LRRC4C: variants seen among roughly 807,000 people sequenced by gnomAD.
LRRC4C encodes leucine-rich repeat-containing protein 4C.
A neutral mutation model predicts 33.6 loss-of-function variants in LRRC4C; 5 were observed. That is an observed-to-expected ratio of 0.15 (90% CI 0.08 to 0.31). LRRC4C has a LOEUF of 0.31. LRRC4C is among the 10% of genes least tolerant of loss of function. LRRC4C has a pLI of 1.00. For missense variants in LRRC4C, 560 were observed against 796.7 expected, an observed-to-expected ratio of 0.70 and a Z score of 3.58; for synonymous variants, 329 against 302.0, an observed-to-expected ratio of 1.09 and a Z score of -0.93.
At chr11:40,929,551 A>G (rs1267201698) in intron 2 of LRRC4C, among the ~76,000 whole-genome samples, 1 of 152,190 alleles carries the variant, frequency 6.6e-6, no homozygotes, top group African/African-American at 2.4e-5. Context: ...CGTCCATAGT[A>G]AAAAGGGAGG....
At chr11:41,096,004 T>C (rs1940785561) in intron 1 of LRRC4C, among the ~76,000 whole-genome samples, 1 of 152,124 alleles carries the variant, frequency 6.6e-6, no homozygotes, top group Admixed American at 6.6e-5. Context: ...CTAAGTTTAG[T>C]AGTATTAAGT....
rs186137738 is a variant in LRRC4C at position 41,434,718 on chromosome 11, C to G, written c.-496+24713G>C. Among the ~76,000 whole-genome samples, 5 of 152,244 alleles carry G rather than the reference C, an allele frequency of 3.3e-5. No homozygotes were observed. The East Asian group carries it at 9.7e-4, about 29-fold the overall frequency. ...CTCTTAGAGTGTCAGTTTCGGTAAG[C>G]AAGACTTCCTGCTTGGGAAGTCCAC... On this transcript the variant is annotated intron_variant, in intron 1 of 6. Transcript: ENST00000528697.
chr11:40,456,037 T>C (rs1205395565), intron 3 of LRRC4C, among the ~76,000 whole-genome samples: 1 of 152,154 alleles, frequency 6.6e-6, no homozygotes, highest in Non-Finnish European at 1.5e-5. Context: ...CTACATCTTT[T>C]GCCTTTATTC....
intron 3 of LRRC4C, among the ~76,000 whole-genome samples, chr11:40,322,782 T>C (rs1266347139): frequency 1.3e-5 from 2 of 152,122 alleles, no homozygotes; most frequent in Non-Finnish European, 2.9e-5. Context: ...AATGAGGAAA[T>C]TTCTATAGGG....
chr11:41,405,961 T>A (rs1282531148), intron 1 of LRRC4C, among the ~76,000 whole-genome samples: 1 of 152,094 alleles, frequency 6.6e-6, no homozygotes, highest in Non-Finnish European at 1.5e-5. Flanking sequence ...GTTTTAAAGA[T>A]ACAAAGATAC....
chr11:40,439,663 A>G (rs768234305), intron 3 of LRRC4C, among the ~76,000 whole-genome samples: 12 of 152,016 alleles, frequency 7.9e-5, no homozygotes, highest in African/African-American at 1.2e-4. Context: ...CACCTTGGCC[A>G]GGCTGGTCTT....
intron 2 of LRRC4C, among the ~76,000 whole-genome samples, chr11:40,774,096 G>A (rs960267555): frequency 1.3e-5 from 2 of 151,970 alleles, no homozygotes; most frequent in East Asian, 1.9e-4. Flanking sequence ...TCTATAAATA[G>A]AATCACAGAA....
chr11:40,951,186 T>G lies in LRRC4C; in HGVS notation c.-495-17463A>C, dbSNP rs188321477. ...AACTGCACTGATTTTCTAGAAACTT[T>G]GATGGGGAAATGTTTTATGTTATTT... On this transcript the variant is annotated intron_variant, in intron 1 of 6. Coordinates refer to ENST00000528697, the MANE Select transcript of LRRC4C (RefSeq NM_001258419.2). Among the ~76,000 whole-genome samples the G allele has an allele frequency of 5.9e-5, 9 of 152,084 alleles. No homozygotes were observed. In the East Asian group the frequency reaches 1.7e-3, roughly 29 times the overall value.
At chr11:40,512,187 T>G (rs1432061409) in intron 3 of LRRC4C, among the ~76,000 whole-genome samples, 5 of 152,066 alleles carry the variant, frequency 3.3e-5, no homozygotes, top group Non-Finnish European at 5.9e-5. Flanking sequence ...TATCGGTATG[T>G]AACAAGCAAC....
chr11:40,690,692 A>C (rs1430740448), intron 2 of LRRC4C, among the ~76,000 whole-genome samples: 1 of 152,104 alleles, frequency 6.6e-6, no homozygotes, highest in Non-Finnish European at 1.5e-5. Context: ...GGCAATAATG[A>C]AATTAGTGTA....
intron 1 of LRRC4C, among the ~76,000 whole-genome samples, chr11:41,453,443 A>C (rs1175190916): frequency 1.3e-5 from 2 of 152,050 alleles, no homozygotes; most frequent in Non-Finnish European, 2.9e-5. Flanking sequence ...CTATTATGGG[A>C]ATGTGATTAC....
At chr11:40,414,212 G>C (rs1386125756) in intron 3 of LRRC4C, among the ~76,000 whole-genome samples, 1 of 151,998 alleles carries the variant, frequency 6.6e-6, no homozygotes, top group East Asian at 1.9e-4. Context: ...AAATCGTGTT[G>C]TAAAAGAAAG....
intron 1 of LRRC4C, among the ~76,000 whole-genome samples, chr11:41,103,842 C>T (rs573307980): frequency 6.6e-6 from 1 of 152,034 alleles, no homozygotes; most frequent in African/African-American, 2.4e-5. Flanking sequence ...TTATGGTCAA[C>T]TGATTTTTGA....
intron 1 of LRRC4C, among the ~76,000 whole-genome samples, chr11:41,149,771 C>T (rs11036256): frequency 0.042 from 6,318 of 151,970 alleles, 154 homozygotes; most frequent in East Asian, 0.069. Flanking sequence ...GTGCAAATAC[C>T]GGAAGTGGAG....
At chr11:41,436,545 T>C (rs1955435974) in intron 1 of LRRC4C, among the ~76,000 whole-genome samples, 1 of 152,308 alleles carries the variant, frequency 6.6e-6, no homozygotes, top group Non-Finnish European at 1.5e-5. Flanking sequence ...ATAATGTCTA[T>C]GAAATTAGTT....
intron 1 of LRRC4C, among the ~76,000 whole-genome samples, chr11:41,060,712 C>A (rs1443552074): frequency 6.6e-6 from 1 of 152,114 alleles, no homozygotes; most frequent in Non-Finnish European, 1.5e-5. Flanking sequence ...ATACAAAAAC[C>A]TGGATTTATT....
At chr11:41,193,800 T>G (rs984076854) in intron 1 of LRRC4C, among the ~76,000 whole-genome samples, 4 of 150,212 alleles carry the variant, frequency 2.7e-5, no homozygotes. Flanking sequence ...TCAAGACTGA[T>G]TTTGCCTTTT....
chr11:41,326,972 A>G (rs1481353154), intron 1 of LRRC4C, among the ~76,000 whole-genome samples: 2 of 152,210 alleles, frequency 1.3e-5, no homozygotes, highest in Non-Finnish European at 2.9e-5. Context: ...CAATCATAAC[A>G]TGTATCTAGG....
At chr11:41,342,674 C>T (rs1321573151) in intron 1 of LRRC4C, among the ~76,000 whole-genome samples, 1 of 152,134 alleles carries the variant, frequency 6.6e-6, no homozygotes, top group African/African-American at 2.4e-5. Context: ...GAGATTGTGC[C>T]ACTGAACTCC....
Sources: allele counts gnomAD v4.1 joint callset (sites outside exome capture counted in the v4.1 genomes callset), GRCh38; gene constraint gnomAD v4.1.1; transcripts MANE v1.5; gene names NCBI Gene and HGNC (gene_info 2026-07-23, HGNC 2026-07-21).